Variants in SIPA1L1 observed in about 807,000 individuals in gnomAD.
SIPA1L1 encodes signal-induced proliferation-associated 1-like protein 1.
SIPA1L1 carries 26 observed loss-of-function variants against 162.7 expected under a neutral mutation model. That is an observed-to-expected ratio of 0.16 (90% CI 0.12 to 0.22). The LOEUF is 0.22. Among genes scored for constraint, SIPA1L1 ranks in the 10% least tolerant of loss-of-function variants. The pLI, the probability that SIPA1L1 is intolerant of heterozygous loss-of-function variation, is 1.00. For synonymous variants in SIPA1L1, 829 were observed against 837.4 expected (o/e 0.99, Z 0.17); for missense variants, 1,874 against 2,241.0 (o/e 0.84, Z 3.31).
At chr14:71,506,039 T>A (rs1339567724) in intron 2 of SIPA1L1, among the ~76,000 whole-genome samples, 2 of 149,696 alleles carry the variant, frequency 1.3e-5, no homozygotes. Context: ...GGATAAGGGA[T>A]ACTCATCCTG....
At chr14:71,732,338 A>G (rs532693240) in intron 20 of SIPA1L1, among the ~76,000 whole-genome samples, 1 of 152,240 alleles carries the variant, frequency 6.6e-6, no homozygotes, top group East Asian at 1.9e-4. Flanking sequence ...GTTTGCATGG[A>G]CCTGAGTGTC....
chr14:71,585,864 T>G (rs2034531458), intron 4 of SIPA1L1, among the ~76,000 whole-genome samples: 1 of 152,224 alleles, frequency 6.6e-6, no homozygotes, highest in Non-Finnish European at 1.5e-5. Flanking sequence ...GTTGTTCAAT[T>G]TTCCTTCCAT....
chr14:71,520,194 C>T (rs1567142104), intron 3 of SIPA1L1, among the ~76,000 whole-genome samples: 1 of 152,044 alleles, frequency 6.6e-6, no homozygotes, highest in South Asian at 2.1e-4. Flanking sequence ...TTTCAGATTA[C>T]CTCCATATGA....
chr14:71,581,810 A>G (rs1333112638), intron 4 of SIPA1L1, among the ~76,000 whole-genome samples: 1 of 152,142 alleles, frequency 6.6e-6, no homozygotes, highest in Admixed American at 6.5e-5. Context: ...GTGTTATTAT[A>G]ACTTATCACA....
At chr14:71,659,824 G>A (rs2043354035) in intron 9 of SIPA1L1, among the ~76,000 whole-genome samples, 1 of 151,936 alleles carries the variant, frequency 6.6e-6, no homozygotes, top group African/African-American at 2.4e-5. Flanking sequence ...GTCCAATCAA[G>A]GCAAAAATGT....
chr14:71,598,990 A>G (rs142067700), intron 5 of SIPA1L1, among the ~76,000 whole-genome samples: 10 of 152,130 alleles, frequency 6.6e-5, no homozygotes, highest in South Asian at 6.2e-4. Context: ...TCTGATATCT[A>G]TCGTTACACT....
At chr14:71,329,986 T>C (rs1439360904) in intron 2 of SIPA1L1, among the ~76,000 whole-genome samples, 2 of 152,166 alleles carry the variant, frequency 1.3e-5, no homozygotes, top group African/African-American at 4.8e-5. Flanking sequence ...GCCAGGCCAG[T>C]CAGATAGAAA....
intron 2 of SIPA1L1, among the ~76,000 whole-genome samples, chr14:71,352,648 C>T (rs79186729): frequency 0.015 from 2,273 of 152,274 alleles, 36 homozygotes; most frequent in Middle Eastern, 0.034. Flanking sequence ...CTGTCTCTAG[C>T]TAATGAGTAG....
chr14:71,596,119 C>T (rs571997616), intron 5 of SIPA1L1, among the ~76,000 whole-genome samples: 3 of 152,196 alleles, frequency 2.0e-5, no homozygotes, highest in East Asian at 1.9e-4. Flanking sequence ...AAGATAATTT[C>T]GCAGAGAAAG....
intron 2 of SIPA1L1, among the ~76,000 whole-genome samples, chr14:71,335,314 A>T (rs968128168): frequency 7.2e-5 from 11 of 152,172 alleles, no homozygotes; most frequent in Non-Finnish European, 1.2e-4. Flanking sequence ...AAGAAAAAAA[A>T]ATGTCTTTAG....
intron 2 of SIPA1L1, chr14:71,413,985 G>C (rs377685644): frequency 6.6e-6 from 1 of 152,136 alleles, no homozygotes; most frequent in African/African-American, 2.4e-5. Context: ...TCAAAAGCAA[G>C]ATATACTACT....
intron 5 of SIPA1L1, among the ~76,000 whole-genome samples, chr14:71,592,573 G>A (rs1030054758): frequency 1.2e-4 from 18 of 152,048 alleles, no homozygotes; most frequent in African/African-American, 3.4e-4. Flanking sequence ...GCTTATCACC[G>A]GGTAGTTTCC....
rs139460328 is a variant in SIPA1L1, at chr14:71,610,224, A to G, written c.1499-8533A>G. Among the ~76,000 whole-genome samples, 115 of 152,378 alleles carry G rather than the reference A, an allele frequency of 7.5e-4. 2 individuals are homozygous for G. The East Asian group carries it at 0.018, about 24-fold the overall frequency. On this transcript the variant is annotated intron_variant, in intron 5 of 23. Transcript: ENST00000381232. The stretch of plus-strand genomic sequence containing the variant: ...AAACACTAAATTTCAGTTAGAAGTT[A>G]GTAAAAATAAAGATGCATTTTTTTC...
At chr14:71,414,282 G>C (rs2042606142) in intron 2 of SIPA1L1, among the ~76,000 whole-genome samples, 1 of 152,292 alleles carries the variant, frequency 6.6e-6, no homozygotes, top group Middle Eastern at 3.4e-3. Flanking sequence ...GGGAGGCTGA[G>C]GCAGGAGAAT....
At chr14:71,406,923 G>C (rs1445742619) in intron 2 of SIPA1L1, among the ~76,000 whole-genome samples, 1 of 152,118 alleles carries the variant, frequency 6.6e-6, no homozygotes, top group African/African-American at 2.4e-5. Flanking sequence ...GATTTCATTA[G>C]CACCTGATCA....
intron 4 of SIPA1L1, among the ~76,000 whole-genome samples, chr14:71,582,853 C>T (rs532945923): frequency 6.6e-6 from 1 of 152,254 alleles, no homozygotes; most frequent in South Asian, 2.1e-4. Flanking sequence ...AAAAGTTTTA[C>T]GCTGATTCAT....
chr14:71,701,040 A>G (rs1164577665), intron 14 of SIPA1L1, among the ~76,000 whole-genome samples: 1 of 122,494 alleles, frequency 8.2e-6, no homozygotes, highest in Non-Finnish European at 1.8e-5. Context: ...AAAAAGTTTT[A>G]TTAAGATAAG....
chr14:71,590,037 AAAAAAAAATATAT>A (rs1455760917), intron 5 of SIPA1L1, among the ~76,000 whole-genome samples: 25 of 73,634 alleles, frequency 3.4e-4, no homozygotes, highest in African/African-American at 4.6e-4. Context: ...AAAAAAAAAA[AAAAAAAAATATAT>A]ATATATATAT....
chr14:71,440,157 C>G (rs2044721538), intron 2 of SIPA1L1, among the ~76,000 whole-genome samples: 1 of 152,122 alleles, frequency 6.6e-6, no homozygotes, highest in South Asian at 2.1e-4. Flanking sequence ...TCCTGAGTAG[C>G]TGGGACTACA....
Sources: gnomAD v4.1 joint callset for allele counts (sites outside exome capture counted in the v4.1 genomes callset) on GRCh38, gnomAD v4.1.1 for gene constraint, MANE v1.5 for transcripts, NCBI Gene and HGNC (gene_info 2026-07-23, HGNC 2026-07-21) for gene names.